Variants in ETV1 observed in about 807,000 individuals in gnomAD.
The protein encoded by ETV1 is ETS translocation variant 1.
ETV1 carries 27 observed loss-of-function variants against 62.3 expected under a neutral mutation model. The ratio of observed to expected loss-of-function variants is 0.43; its 90% CI spans 0.32 to 0.60. ETV1 has a LOEUF of 0.60. ETV1 is among the 20% of genes least tolerant of loss of function. The pLI, the probability that ETV1 is intolerant of heterozygous loss-of-function variation, is 0.06. For missense variants in ETV1, 605 were observed against 605.8 expected, an observed-to-expected ratio of 1.00 and a Z score of 0.01; for synonymous variants, 222 against 199.6, an observed-to-expected ratio of 1.11 and a Z score of -0.94.
chr7:13,989,062 C>T lies in ETV1; in HGVS notation c.-10G>A, dbSNP rs1437237541. 1.3e-6 allele frequency: 2 copies of T among 1,587,302 alleles called. No individual in the cohort carries two copies. The highest frequency in any genetic ancestry group is 2.3e-5 in the East Asian group (1 of 44,164). ...CATAAAATCCATCCATGCTGCTGCT[C>T]TTCGCAAATCTCAGCTCAGTATTTT... On this transcript the variant is annotated 5_prime_UTR_variant, in exon 3 of 14. Transcript: ENST00000430479.
intron 6 of ETV1, among the ~76,000 whole-genome samples, chr7:13,968,789 C>A (rs148021245): frequency 2.2e-4 from 34 of 152,056 alleles, no homozygotes; most frequent in African/African-American, 7.5e-4. Flanking sequence ...ATTTGTTTCC[C>A]TGTCAACTTA....
At chr7:13,917,575 C>T (rs1215645213) in intron 9 of ETV1, among the ~76,000 whole-genome samples, 1 of 151,904 alleles carries the variant, frequency 6.6e-6, no homozygotes, top group African/African-American at 2.4e-5. Context: ...TCTTGGCCTC[C>T]CAAAGTACTG....
rs749453671 is a variant in ETV1, at chr7:13,986,642, T to C, written c.177A>G (p.Ala59=). The change falls in exon 5 of 14, where the codon GCA becomes GCG. Residue 59 remains alanine, a synonymous_variant. Coordinates refer to ENST00000430479, the MANE Select transcript of ETV1 (RefSeq NM_004956.5). ...DLSQLQETWL[A]EAQVPDNDEQ... is the part of the protein sequence containing the mutation. ...TTAAAGCAAATTTTGCCTTACCTTCTGCAAGCCATGTTTCCTGTAATTGAC... is the reference window on the plus strand; with the variant it reads ...TTAAAGCAAATTTTGCCTTACCTTCCGCAAGCCATGTTTCCTGTAATTGAC... The C allele has an allele frequency of 1.2e-6, 2 of 1,612,792 alleles. No homozygotes were observed. The highest frequency in any genetic ancestry group is 1.7e-6 in the Non-Finnish European group (2 of 1,179,410).
rs765625241 is a variant in ETV1, at chr7:13,895,829, A to G, written c.*37T>C. 1.4e-6 allele frequency: 2 copies of G among 1,470,072 alleles called. No homozygotes were observed. Among genetic ancestry groups the G allele is most frequent in the Non-Finnish European group, 1.9e-6 (2 of 1,059,296 alleles). 91.1% of individuals were successfully genotyped at this position (1,470,072 alleles called of 1,614,324 possible). On this transcript the variant is annotated 3_prime_UTR_variant, in exon 14 of 14. Transcript: ENST00000430479. ...TTCTCTGTATCTTGCAGAAAAAAGG[A>G]AAAGCGCAAAAACGCCCTGCTTGAC...
At position 13,975,578 on chromosome 7, in the gene ETV1, AAG is replaced by A. The variant is rs1438709991; in HGVS notation, c.235+1847_235+1848del. ...ACTCTGTCTCAAAAAAAAAAAAAAA[AAG>A]AAAAGAAAAGAAAAAAAAAAAGGAA... On this transcript the variant is annotated intron_variant, in intron 6 of 13. Transcript: ENST00000430479. 2.6e-3 allele frequency among the ~76,000 whole-genome samples: 322 copies of A among 121,768 alleles called. 1 individual carries two copies. The highest frequency in any genetic ancestry group is 8.6e-3 in the African/African-American group (297 of 34,350). The allele number at this position is 121,768 out of a possible 152,430, so 79.9% of individuals were successfully genotyped here.
intron 5 of ETV1, chr7:13,986,338 C>A: frequency 6.7e-7 from 1 of 1,489,210 alleles, no homozygotes; most frequent in South Asian, 1.4e-5. Flanking sequence ...TGATCAATTG[C>A]AATTAAAATC....
At chr7:13,972,378 G>A (rs762180029) in intron 6 of ETV1, among the ~76,000 whole-genome samples, 7 of 152,156 alleles carry the variant, frequency 4.6e-5, no homozygotes, top group Non-Finnish European at 7.3e-5. Flanking sequence ...TTTGCAGTGA[G>A]CCAAAATCAT....
intron 10 of ETV1, 122 bp from the exon 11 acceptor site, chr7:13,909,822 T>A (rs973084456): frequency 1.1e-5 from 9 of 801,940 alleles, no homozygotes; most frequent in Non-Finnish European, 1.7e-5. Context: ...TTTCAGTTCC[T>A]TGAGCCCTGG....
chr7:13,962,184 CACACACACACACACACACGTG>C (rs995937022), intron 6 of ETV1, among the ~76,000 whole-genome samples: 3 of 146,876 alleles, frequency 2.0e-5, no homozygotes, highest in Non-Finnish European at 4.6e-5. Flanking sequence ...GTTATGTACA[CACACACACACACACACACGTG>C]TGTGTGTGTA....
intron 9 of ETV1, among the ~76,000 whole-genome samples, chr7:13,914,194 T>A (rs1336782897): frequency 6.6e-6 from 1 of 152,074 alleles, no homozygotes; most frequent in Non-Finnish European, 1.5e-5. Flanking sequence ...CGGGGGTACC[T>A]CTTTTGAGCT....
chr7:13,903,283 A>C lies in ETV1; in HGVS notation c.1111-2444T>G, dbSNP rs148701473. Reference sequence around the variant, plus strand: ...CTTATTGTCAAATAAATTAAATAAGATAATGTAATAGTTCAAGCATTAATC... The same window carrying C: ...CTTATTGTCAAATAAATTAAATAAGCTAATGTAATAGTTCAAGCATTAATC... On this transcript the variant is annotated intron_variant, in intron 12 of 13. Coordinates refer to ENST00000430479, the MANE Select transcript of ETV1 (RefSeq NM_004956.5). 5.0e-3 allele frequency among the ~76,000 whole-genome samples: 763 copies of C among 152,368 alleles called. 4 individuals are homozygous for C. The highest frequency in any genetic ancestry group is 8.3e-3 in the Non-Finnish European group (565 of 68,040).
At chr7:13,930,343 A>G (rs1024888388) in intron 9 of ETV1, among the ~76,000 whole-genome samples, 1 of 152,058 alleles carries the variant, frequency 6.6e-6, no homozygotes, top group Non-Finnish European at 1.5e-5. Flanking sequence ...TTTTTTTGAG[A>G]CGGAGTCTTA....
At chr7:13,917,131 C>A (rs1036305661) in intron 9 of ETV1, among the ~76,000 whole-genome samples, 2 of 151,530 alleles carry the variant, frequency 1.3e-5, no homozygotes, top group Admixed American at 6.6e-5. Context: ...TGGACAATAC[C>A]CCACACAAAT....
chr7:13,964,489 T>C (rs1790550424), intron 6 of ETV1, among the ~76,000 whole-genome samples: 1 of 152,184 alleles, frequency 6.6e-6, no homozygotes, highest in Admixed American at 6.5e-5. Context: ...GAACTTGGTA[T>C]TGGTTTATAG....
At chr7:13,896,174 A>T in intron 13 of ETV1, 87 bp from the exon 14 acceptor site, 1 of 1,060,796 alleles carries the variant, frequency 9.4e-7, no homozygotes, top group East Asian at 2.6e-5. Flanking sequence ...ACGTGGTTTA[A>T]TATACAGGAA....
intron 5 of ETV1, among the ~76,000 whole-genome samples, chr7:13,982,987 G>C (rs961486077): frequency 2.0e-5 from 3 of 151,968 alleles, no homozygotes; most frequent in African/African-American, 7.2e-5. Context: ...TGACATCTCT[G>C]CTTTTAAGTT....
chr7:13,951,123 G>A (rs1788769530), intron 6 of ETV1, among the ~76,000 whole-genome samples: 1 of 151,848 alleles, frequency 6.6e-6, no homozygotes, highest in South Asian at 2.1e-4. Flanking sequence ...TTATCAGCCT[G>A]CCTACCCCCT....
chr7:13,966,161 A>C (rs1790752260), intron 6 of ETV1, among the ~76,000 whole-genome samples: 1 of 152,242 alleles, frequency 6.6e-6, no homozygotes, highest in African/African-American at 2.4e-5. Context: ...CTCTGTAAAT[A>C]GTAATACTTA....
intron 6 of ETV1, among the ~76,000 whole-genome samples, chr7:13,975,649 A>C (rs921114731): frequency 6.6e-5 from 10 of 150,872 alleles, no homozygotes; most frequent in African/African-American, 2.4e-4. Flanking sequence ...GTCCACAAAG[A>C]GGAGGGAAGG....
Sources: allele counts gnomAD v4.1 joint callset (sites outside exome capture counted in the v4.1 genomes callset), GRCh38; gene constraint gnomAD v4.1.1; transcripts MANE v1.5; gene names NCBI Gene and HGNC (gene_info 2026-07-23, HGNC 2026-07-21).